The following MLC1 variants were observed in gnomAD, a reference collection of about 807,000 sequenced individuals.
MLC1 encodes the protein membrane protein MLC1.
A neutral mutation model predicts 44.7 loss-of-function variants in MLC1; 32 were observed. The ratio of observed to expected loss-of-function variants is 0.72; its 90% CI spans 0.54 to 0.96. The LOEUF (loss-of-function observed/expected upper bound fraction) is 0.96. MLC1 is among the 40% of genes least tolerant of loss of function. The pLI, the probability that MLC1 is intolerant of heterozygous loss-of-function variation, is 0.00. For synonymous variants in MLC1, 190 were observed against 213.0 expected, an observed-to-expected ratio of 0.89 and a Z score of 0.94; for missense variants, 459 against 492.2, an observed-to-expected ratio of 0.93 and a Z score of 0.64.
rs367630570 is a variant in MLC1 at position 50,071,334 on chromosome 22, C to T, written c.715-751G>A. The stretch of plus-strand genomic sequence containing the variant: ...CTCGAACTCCTGACCTCAGGTGATC[C>T]GCCCGCCTCGGCCTCCCAAAGTGCT... On this transcript the variant is annotated intron_variant, in intron 8 of 11. Transcript: ENST00000311597. Among the ~76,000 whole-genome samples, 41 of 152,224 alleles carry T rather than the reference C, an allele frequency of 2.7e-4. No homozygotes were observed. The East Asian group carries it at 5.6e-3, about 21-fold the overall frequency.
rs1310619005 is a variant in MLC1, at chr22:50,067,965, AAAAAAC to A, written c.894+462_894+467del. On this transcript the variant is annotated intron_variant, in intron 10 of 11. Transcript: ENST00000311597. ...CACTTATACTGGAAAAAAAAAAACA[AAAAAAC>A]AAAAAAACACTAGGTATCTAAGAAA... 8.5e-5 allele frequency among the ~76,000 whole-genome samples: 13 copies of A among 152,196 alleles called. 1 individual carries two copies. The highest frequency in any genetic ancestry group is 3.4e-3 in the Middle Eastern group (1 of 290).
intron 9 of MLC1, among the ~76,000 whole-genome samples, chr22:50,068,871 C>A (rs1230342458): frequency 6.6e-6 from 1 of 151,830 alleles, no homozygotes; most frequent in African/African-American, 2.4e-5. Context: ...GGATTACAGG[C>A]GCCCGCCACC....
intron 11 of MLC1, among the ~76,000 whole-genome samples, chr22:50,062,140 C>CTTGT (rs2061575263): frequency 1.3e-5 from 2 of 149,702 alleles, no homozygotes; most frequent in South Asian, 2.1e-4. Context: ...GCCCCAGCCA[C>CTTGT]CCACCCTGAG....
chr22:50,067,856 G>A (rs1226658419), intron 10 of MLC1, among the ~76,000 whole-genome samples: 2 of 146,406 alleles, frequency 1.4e-5, no homozygotes, highest in Non-Finnish European at 3.0e-5. Context: ...CCATCAGGCA[G>A]TGACTCCATT....
chr22:50,068,630 G>T, intron 9 of MLC1, 75 bp from the exon 10 acceptor site: 1 of 1,484,432 alleles, frequency 6.7e-7, no homozygotes. Flanking sequence ...GCCAGGGCTG[G>T]GGGGGCGGGC....
chr22:50,074,370 G>A (rs752251898), intron 7 of MLC1, 38 bp from the exon 8 acceptor site: 1 of 1,532,158 alleles, frequency 6.5e-7, no homozygotes, highest in South Asian at 1.1e-5. Flanking sequence ...ATAAGGAAGT[G>A]GAGACACCCC....
chr22:50,073,531 G>C (rs2061908341), intron 8 of MLC1, among the ~76,000 whole-genome samples: 1 of 152,160 alleles, frequency 6.6e-6, no homozygotes, highest in Non-Finnish European at 1.5e-5. Flanking sequence ...AGGAGTTCAA[G>C]ACCAGCCTGG....
chr22:50,084,679 G>T (rs749445320), intron 2 of MLC1, 47 bp downstream of exon 2: 2 of 1,600,876 alleles, frequency 1.2e-6, no homozygotes, highest in South Asian at 2.2e-5. Context: ...TCACCAGAGG[G>T]ACCAGATGCT....
chr22:50,063,671 C>A (rs545866233), intron 11 of MLC1, among the ~76,000 whole-genome samples: 1 of 150,074 alleles, frequency 6.7e-6, no homozygotes, highest in East Asian at 2.0e-4. Flanking sequence ...CTCACCTCCC[C>A]AGCACCCCTG....
At chr22:50,071,882 C>T (rs1178197543) in intron 8 of MLC1, among the ~76,000 whole-genome samples, 1 of 152,178 alleles carries the variant, frequency 6.6e-6, no homozygotes, top group Non-Finnish European at 1.5e-5. Context: ...GGGGAGGGGG[C>T]TGCATCAGCC....
At chr22:50,066,085 C>A (rs572345413) in intron 10 of MLC1, among the ~76,000 whole-genome samples, 17 of 152,240 alleles carry the variant, frequency 1.1e-4, no homozygotes, top group Non-Finnish European at 2.4e-4. Flanking sequence ...GCCTCCTCAT[C>A]CCAGCACTTT....
At chr22:50,062,211 A>C (rs1601960761) in intron 11 of MLC1, among the ~76,000 whole-genome samples, 2 of 98,496 alleles carry the variant, frequency 2.0e-5, no homozygotes, top group African/African-American at 4.2e-5. Context: ...CCAGCCGTCC[A>C]CCCTGAGCCC....
In MLC1 at chr22:50,064,060, C is replaced by A; in HGVS notation, c.1033G>T (p.Gly345Cys). ...TCCCCAGCCAGGCGCTCCTGCGGGC[C>A]GTTCTGGGTGTCCCAGGATGCACCC... is the stretch of plus-strand genomic sequence containing the variant. ...LQGASWDTQN[G>C]PQERLAGEVA... The change falls in exon 11 of 12, where the codon GGC (glycine) becomes TGC (cysteine). Residue 345 changes from glycine (G) to cysteine (C), a missense_variant. Physicochemically the swap from Gly to Cys is radical, Grantham distance 159. Transcript: ENST00000311597. 1 of 1,597,006 alleles carries A rather than the reference C, an allele frequency of 6.3e-7. No individual in the cohort carries two copies. The highest frequency in any genetic ancestry group is 8.5e-7 in the Non-Finnish European group (1 of 1,175,524).
intron 8 of MLC1, among the ~76,000 whole-genome samples, chr22:50,071,799 G>T (rs1481119156): frequency 6.6e-6 from 1 of 152,214 alleles, no homozygotes; most frequent in East Asian, 1.9e-4. Context: ...GTAGGCAGAG[G>T]GAGGATGCAT....
chr22:50,074,539 T>C (rs1000323577), intron 7 of MLC1: 2 of 599,332 alleles, frequency 3.3e-6, no homozygotes, highest in Non-Finnish European at 6.0e-6. Context: ...ACGTCCCTCC[T>C]GGAGTAAAAT....
intron 9 of MLC1, among the ~76,000 whole-genome samples, chr22:50,070,303 C>T (rs2061819697): frequency 6.6e-6 from 1 of 152,258 alleles, no homozygotes; most frequent in Admixed American, 6.5e-5. Flanking sequence ...CTTCCAGTGT[C>T]TACACCACCT....
intron 7 of MLC1, chr22:50,074,561 T>C: frequency 1.8e-6 from 1 of 562,466 alleles, no homozygotes; most frequent in South Asian, 1.9e-5. Flanking sequence ...GCCAAAGAGG[T>C]GTTTCCCCCA....
At chr22:50,082,358 A>G (rs1007661248) in intron 3 of MLC1, among the ~76,000 whole-genome samples, 3 of 152,226 alleles carry the variant, frequency 2.0e-5, no homozygotes, top group African/African-American at 7.2e-5. Context: ...TTCACAGAGG[A>G]CCAGGGGACA....
At position 50,082,139 on chromosome 22, in the gene MLC1, G is replaced by C. The variant is rs144182304; in HGVS notation, c.267+945C>G. On this transcript the variant is annotated intron_variant, in intron 3 of 11. Transcript: ENST00000311597. ...CATGTGGAAGCGAGAGGAGGGGAGA[G>C]CTCGGGACCAGCTGAAGCAGGAGGG... Among the ~76,000 whole-genome samples the C allele has an allele frequency of 9.7e-3, 1,476 of 152,304 alleles. 30 individuals are homozygous for C. The highest frequency in any genetic ancestry group is 0.034 in the African/African-American group (1,398 of 41,556).
Sources: gnomAD v4.1 joint callset for allele counts (sites outside exome capture counted in the v4.1 genomes callset) on GRCh38, gnomAD v4.1.1 for gene constraint, MANE v1.5 for transcripts, NCBI Gene and HGNC (gene_info 2026-07-23, HGNC 2026-07-21) for gene names.